Variants in ACCSL observed in about 807,000 individuals in gnomAD.
ACCSL encodes probable inactive 1-aminocyclopropane-1-carboxylate synthase-like protein 2.
ACCSL carries 55 observed loss-of-function variants against 61.7 expected under a neutral mutation model. The ratio of observed to expected loss-of-function variants is 0.89; its 90% confidence interval spans 0.72 to 1.12. ACCSL has a LOEUF of 1.12. Among genes scored for constraint, ACCSL ranks in the 50% most tolerant of loss-of-function variants. The pLI is 0.00. For synonymous variants in ACCSL, 258 were observed against 264.3 expected, an observed-to-expected ratio of 0.98 and a Z score of 0.23; for missense variants, 632 against 698.0, an observed-to-expected ratio of 0.91 and a Z score of 1.07.
the ACCSL span, among the ~76,000 whole-genome samples, chr11:43,934,027 TGAG>T: frequency 6.6e-6 from 1 of 152,102 alleles, no homozygotes; most frequent in Non-Finnish European, 1.5e-5. Context: ...GATGGACCGA[TGAG>T]GGGGCTGTCA....
chr11:44,048,836 G>A (rs1000043997), intron 1 of ACCSL, among the ~76,000 whole-genome samples: 4 of 152,120 alleles, frequency 2.6e-5, no homozygotes, highest in Non-Finnish European at 1.5e-5. Context: ...AGAACTTAGC[G>A]TAGTGATGAA....
At chr11:43,996,941 T>C in the ACCSL span, among the ~76,000 whole-genome samples, 3 of 151,754 alleles carry the variant, frequency 2.0e-5, no homozygotes, top group African/African-American at 7.2e-5. Flanking sequence ...ACCTCCCAAA[T>C]AGCTGGGATT....
chr11:43,981,934 CTCAGAGTGTA>C, the ACCSL span, among the ~76,000 whole-genome samples: 1 of 152,256 alleles, frequency 6.6e-6, no homozygotes, highest in Non-Finnish European at 1.5e-5. Context: ...GAGCTGAAAG[CTCAGAGTGTA>C]TCATCTTGAG....
the ACCSL span, among the ~76,000 whole-genome samples, chr11:44,040,283 G>T: frequency 2.7e-3 from 416 of 152,316 alleles, 4 homozygotes; most frequent in Non-Finnish European, 4.9e-3. Flanking sequence ...TCTTGATAAA[G>T]TACGTAGGCC....
the ACCSL span, among the ~76,000 whole-genome samples, chr11:43,926,766 G>T: frequency 6.6e-6 from 1 of 152,228 alleles, no homozygotes; most frequent in Non-Finnish European, 1.5e-5. Context: ...GTGTGTTTGT[G>T]TAAGACAGGG....
chr11:44,045,806 A>T (rs1007533061), upstream of ACCSL, among the ~76,000 whole-genome samples: 1 of 152,196 alleles, frequency 6.6e-6, no homozygotes, highest in African/African-American at 2.4e-5. Flanking sequence ...GAGCTGGCTG[A>T]TGTTACAGAG....
the ACCSL span, among the ~76,000 whole-genome samples, chr11:43,934,218 A>G: frequency 1.3e-5 from 2 of 152,080 alleles, no homozygotes; most frequent in African/African-American, 4.8e-5. Flanking sequence ...TTATCGAAAC[A>G]CTTTTATGCT....
At chr11:43,941,895 C>G in the ACCSL span, among the ~76,000 whole-genome samples, 1 of 152,108 alleles carries the variant, frequency 6.6e-6, no homozygotes, top group Admixed American at 6.5e-5. Flanking sequence ...TTGTTAGTGC[C>G]ATATCCAAGT....
the ACCSL span, among the ~76,000 whole-genome samples, chr11:44,036,946 C>G: frequency 6.6e-6 from 1 of 152,150 alleles, no homozygotes; most frequent in Admixed American, 6.5e-5. Context: ...AGGCTGCTGT[C>G]TCCAAAGTGA....
chr11:44,028,818 G>A, the ACCSL span, among the ~76,000 whole-genome samples: 1 of 152,186 alleles, frequency 6.6e-6, no homozygotes, highest in Non-Finnish European at 1.5e-5. Context: ...TTGTGATGAG[G>A]GTCATGTGGA....
upstream of ACCSL, chr11:44,047,977 A>G (rs1952609767): frequency 1.3e-6 from 2 of 1,556,774 alleles, no homozygotes; most frequent in Non-Finnish European, 1.7e-6. Flanking sequence ...TCCATTGTCA[A>G]TGGTCTCTTT....
At chr11:44,022,127 G>A in the ACCSL span, among the ~76,000 whole-genome samples, 2 of 151,930 alleles carry the variant, frequency 1.3e-5, no homozygotes, top group South Asian at 4.2e-4. Context: ...ATGAAGTTTA[G>A]GGTTGTTTTT....
chr11:43,923,885 G>A, the ACCSL span, among the ~76,000 whole-genome samples: 199 of 152,328 alleles, frequency 1.3e-3, 1 homozygote, highest in African/African-American at 4.6e-3. Context: ...AGCTGGCAGA[G>A]GCCTGTGTGT....
At chr11:43,981,274 A>G in the ACCSL span, among the ~76,000 whole-genome samples, 1 of 152,120 alleles carries the variant, frequency 6.6e-6, no homozygotes. Context: ...TCCTGGTAAC[A>G]TGGTTGAGGT....
chr11:44,046,155 T>C (rs574723826), upstream of ACCSL, among the ~76,000 whole-genome samples: 13 of 152,306 alleles, frequency 8.5e-5, 1 homozygote, highest in African/African-American at 2.4e-4. Flanking sequence ...GACAGGGAAT[T>C]TGGGCCAGGG....
upstream of ACCSL, among the ~76,000 whole-genome samples, chr11:44,045,614 C>T (rs1014903494): frequency 3.9e-5 from 6 of 152,196 alleles, no homozygotes; most frequent in East Asian, 1.2e-3. Context: ...GCCACACTGG[C>T]CTCCAGCTTC....
the ACCSL span, among the ~76,000 whole-genome samples, chr11:43,956,316 G>A: frequency 6.6e-6 from 1 of 152,166 alleles, no homozygotes; most frequent in Non-Finnish European, 1.5e-5. Context: ...AAACCTTTAG[G>A]CTGAACTTAA....
At chr11:44,001,107 C>T in the ACCSL span, 1 of 152,096 alleles carries the variant, frequency 6.6e-6, no homozygotes, top group South Asian at 2.1e-4. Context: ...AGGCCCTGTC[C>T]TAACTATGGG....
chr11:43,962,363 G>C, the ACCSL span, among the ~76,000 whole-genome samples: 1 of 152,228 alleles, frequency 6.6e-6, no homozygotes, highest in African/African-American at 2.4e-5. Context: ...GAGCTGAAAG[G>C]TTAGTGAGTA....
Sources: gnomAD v4.1 joint callset for allele counts (sites outside exome capture counted in the v4.1 genomes callset) on GRCh38, gnomAD v4.1.1 for gene constraint, MANE v1.5 for transcripts, NCBI Gene and HGNC (gene_info 2026-07-23, HGNC 2026-07-21) for gene names.